Variants in GAB1 observed in about 807,000 individuals in gnomAD.
The protein encoded by GAB1 is GRB2-associated-binding protein 1.
In GAB1, 19 loss-of-function variants were observed where a neutral mutation model predicts 66.5. The observed-to-expected ratio is 0.29, with a 90% CI of 0.20 to 0.42. The LOEUF is 0.42. Among genes scored for constraint, GAB1 ranks in the 10% least tolerant of loss-of-function variants. The pLI is 1.00. For missense variants in GAB1, 732 were observed against 858.5 expected, an observed-to-expected ratio of 0.85 and a Z score of 1.84; for synonymous variants, 294 against 301.4, an observed-to-expected ratio of 0.98 and a Z score of 0.25.
intron 6 of GAB1, among the ~76,000 whole-genome samples, chr4:143,443,014 C>CTTTTTTTTTT (rs755148605): frequency 1.6e-5 from 2 of 126,778 alleles, no homozygotes; most frequent in African/African-American, 6.2e-5. Context: ...TACTATTTTA[C>CTTTTTTTTTT]TTTTTTTTTT....
chr4:143,337,321 C>A, intron 1 of GAB1, 61 bp downstream of exon 1: 1 of 1,443,054 alleles, frequency 6.9e-7, no homozygotes, highest in Non-Finnish European at 9.5e-7. Flanking sequence ...CCCCAGTCGG[C>A]TCGCCGGCGG....
intron 3 of GAB1, among the ~76,000 whole-genome samples, chr4:143,436,949 A>G (rs1733970649): frequency 1.3e-5 from 2 of 152,208 alleles, no homozygotes. Context: ...GGCCATTCCC[A>G]GGGAGAGAGA....
At chr4:143,426,383 C>G (rs1478651024) in intron 2 of GAB1, among the ~76,000 whole-genome samples, 1 of 151,896 alleles carries the variant, frequency 6.6e-6, no homozygotes, top group Non-Finnish European at 1.5e-5. Flanking sequence ...GACACTGTCT[C>G]AACAAAAAGT....
chr4:143,465,840 G>A (rs1401355028), intron 8 of GAB1, among the ~76,000 whole-genome samples: 2 of 152,170 alleles, frequency 1.3e-5, no homozygotes, highest in Non-Finnish European at 1.5e-5. Flanking sequence ...TTCAAGTTGG[G>A]CTATCATAGC....
intron 2 of GAB1, among the ~76,000 whole-genome samples, chr4:143,427,573 C>T (rs1475919254): frequency 6.6e-6 from 1 of 152,032 alleles, no homozygotes; most frequent in Non-Finnish European, 1.5e-5. Context: ...AACCTTTTAC[C>T]CTTTTTCCGG....
chr4:143,389,103 AGGT>A (rs1293058218), intron 1 of GAB1, among the ~76,000 whole-genome samples: 6 of 152,250 alleles, frequency 3.9e-5, no homozygotes, highest in Admixed American at 1.3e-4. Context: ...TACTCACAGA[AGGT>A]GGTATTTTCA....
chr4:143,400,642 C>G (rs1731719655), intron 1 of GAB1, among the ~76,000 whole-genome samples: 1 of 152,138 alleles, frequency 6.6e-6, no homozygotes, highest in East Asian at 1.9e-4. Flanking sequence ...TTTACTTCAG[C>G]CAACCTGGGG....
At position 143,342,206 on chromosome 4, in the gene GAB1, C is replaced by T. The variant is rs371812726; in HGVS notation, c.72+4946C>T. On this transcript the variant is annotated intron_variant, in intron 1 of 9. Transcript: ENST00000262994. The stretch of plus-strand genomic sequence containing the variant: ...TCTCCACGTGCAACTTGCTGAATCT[C>T]CAAATCTGATTGCTACCTTTTGAGA... Among the ~76,000 whole-genome samples, 9 of 151,828 alleles carry T rather than the reference C, an allele frequency of 5.9e-5. No homozygotes were observed. In the East Asian group the frequency reaches 1.7e-3, roughly 29 times the overall value.
At chr4:143,436,058 T>A (rs1190853480) in intron 3 of GAB1, among the ~76,000 whole-genome samples, 1 of 152,234 alleles carries the variant, frequency 6.6e-6, no homozygotes, top group Non-Finnish European at 1.5e-5. Context: ...GCATTTGAAT[T>A]AAATGAAGTA....
intron 3 of GAB1, 24 bp from the exon 4 acceptor site, chr4:143,437,975 C>A (rs1343254322): frequency 6.3e-7 from 1 of 1,587,662 alleles, no homozygotes; most frequent in Non-Finnish European, 8.6e-7. Flanking sequence ...CTTGTTTATT[C>A]TGTCATTAAC....
chr4:143,400,331 G>C (rs192520913), intron 1 of GAB1, among the ~76,000 whole-genome samples: 34 of 152,278 alleles, frequency 2.2e-4, no homozygotes, highest in East Asian at 9.6e-4. Flanking sequence ...TGTGAAAAGG[G>C]GGGTGGTTAT....
At chr4:143,401,911 A>G (rs1197018627) in intron 1 of GAB1, among the ~76,000 whole-genome samples, 1 of 152,218 alleles carries the variant, frequency 6.6e-6, no homozygotes, top group Non-Finnish European at 1.5e-5. Flanking sequence ...GTAAATGCCC[A>G]TATAGCTTAC....
intron 2 of GAB1, among the ~76,000 whole-genome samples, chr4:143,429,710 A>G (rs1733550069): frequency 6.6e-6 from 1 of 152,242 alleles, no homozygotes; most frequent in East Asian, 1.9e-4. Context: ...CTTAAAGGGA[A>G]GCATACCTTT....
Position 143,469,304 on chromosome 4 carries a change from A to C in GAB1, c.*115A>C. 9.2e-7 allele frequency: 1 copy of C among 1,085,868 alleles called. No homozygotes were observed. The highest frequency in any genetic ancestry group is 1.3e-6 in the Non-Finnish European group (1 of 768,078). The allele number at this position is 1,085,868 out of a possible 1,614,324, so 67.3% of individuals were successfully genotyped here. A position where few individuals can be genotyped will look rare whatever the true frequency, so the allele number is the denominator to read the frequency against. On this transcript the variant is annotated 3_prime_UTR_variant, in exon 10 of 10. Transcript: ENST00000262994. ...TAGATCCTCAAATGAGTAGAGTTGA[A>C]GTCAAAGGACCTTTCTGACATAATC... is the stretch of plus-strand genomic sequence containing the variant.
At chr4:143,416,694 A>T (rs774390810) in intron 2 of GAB1, among the ~76,000 whole-genome samples, 3 of 152,000 alleles carry the variant, frequency 2.0e-5, no homozygotes, top group Non-Finnish European at 4.4e-5. Flanking sequence ...GAATCGCTTG[A>T]ACCCAGGAGG....
At chr4:143,392,043 A>C (rs1731212339) in intron 1 of GAB1, among the ~76,000 whole-genome samples, 1 of 152,236 alleles carries the variant, frequency 6.6e-6, no homozygotes, top group Non-Finnish European at 1.5e-5. Flanking sequence ...CTTGACAAGT[A>C]ACATACACTA....
intron 1 of GAB1, among the ~76,000 whole-genome samples, chr4:143,402,724 C>G (rs1419296067): frequency 6.6e-6 from 1 of 152,038 alleles, no homozygotes; most frequent in Non-Finnish European, 1.5e-5. Context: ...AGTTAAATAC[C>G]AGCAATTGGA....
intron 1 of GAB1, among the ~76,000 whole-genome samples, chr4:143,414,482 A>T (rs1394976329): frequency 1.3e-5 from 2 of 152,126 alleles, no homozygotes; most frequent in African/African-American, 4.8e-5. Context: ...TTGCCCATGT[A>T]TGTTTGTTGG....
rs1560706776 is a variant in GAB1, at chr4:143,337,272, T to TGCGGGCACCACTCC, written c.72+19_72+32dup. 3 of 1,568,670 alleles carry TGCGGGCACCACTCC rather than the reference T, an allele frequency of 1.9e-6. No homozygotes were observed. The highest frequency in any genetic ancestry group is 1.3e-5 in the African/African-American group (1 of 74,364). ...AGTTGAAGCGTTATGTAAGTAGAGC[T>TGCGGGCACCACTCC]GCGGGCACCACTCCGCGGGCCTCGG... On this transcript the variant is annotated intron_variant, in intron 1 of 9. Coordinates refer to ENST00000262994, the MANE Select transcript of GAB1 (RefSeq NM_002039.4).
Sources: allele counts gnomAD v4.1 joint callset (sites outside exome capture counted in the v4.1 genomes callset), GRCh38; gene constraint gnomAD v4.1.1; transcripts MANE v1.5; gene names NCBI Gene and HGNC (gene_info 2026-07-23, HGNC 2026-07-21).